The following PMM2 variants were observed in gnomAD, a reference collection of about 807,000 sequenced individuals.
The protein encoded by PMM2 is phosphomannomutase 2, also known as mannose-6-phosphate isomerase.
In PMM2, 35 loss-of-function variants were observed where a neutral mutation model predicts 33.2. The observed-to-expected ratio is 1.06, with a 90% CI of 0.81 to 1.40. The LOEUF (loss-of-function observed/expected upper bound fraction) is 1.40, where lower values mean the gene tolerates loss of function less well. Among genes scored for constraint, PMM2 ranks in the 40% most tolerant of loss-of-function variants. PMM2 has a pLI of 0.00. For synonymous variants in PMM2, 153 were observed against 114.7 expected, an observed-to-expected ratio of 1.33 and a Z score of -2.13; for missense variants, 386 against 306.0, an observed-to-expected ratio of 1.26 and a Z score of -1.95.
intron 2 of PMM2, among the ~76,000 whole-genome samples, chr16:8,802,731 G>A (rs367942288): frequency 6.4e-4 from 97 of 152,006 alleles, no homozygotes; most frequent in African/African-American, 9.6e-4. Flanking sequence ...TCAGGAGGCC[G>A]AGGCAGGAGA....
chr16:8,839,008 A>G (rs1239814022), intron 7 of PMM2, among the ~76,000 whole-genome samples: 2 of 152,144 alleles, frequency 1.3e-5, no homozygotes, highest in East Asian at 1.9e-4. Context: ...AGTTTGTGAC[A>G]TGTCTGTGAT....
chr16:8,827,416 G>A (rs1242664282), intron 7 of PMM2, among the ~76,000 whole-genome samples: 2 of 147,914 alleles, frequency 1.4e-5, no homozygotes, highest in African/African-American at 5.0e-5. Context: ...TTTTGAAATG[G>A]AGTCTTGCTC....
At chr16:8,843,279 C>T (rs908454717) in intron 7 of PMM2, among the ~76,000 whole-genome samples, 1 of 152,022 alleles carries the variant, frequency 6.6e-6, no homozygotes, top group Non-Finnish European at 1.5e-5. Context: ...GACTTACCCT[C>T]CACTGTGAGA....
Position 8,836,516 on chromosome 16 carries a change from T to C in PMM2, c.640-11208T>C, listed in dbSNP as rs572340595. Among the ~76,000 whole-genome samples, 332 of 152,164 alleles carry C rather than the reference T, an allele frequency of 2.2e-3. 3 individuals are homozygous for C. The highest frequency in any genetic ancestry group is 7.4e-3 in the African/African-American group (306 of 41,548). On this transcript the variant is annotated intron_variant, in intron 7 of 7. Coordinates refer to ENST00000268261, the MANE Select transcript of PMM2 (RefSeq NM_000303.3). ...AGGAGGTTCTGGAGGAACGCCTGGC[T>C]GCTGCGGTTCAGGCGTTTGGAAGTT...
chr16:8,824,122 A>T (rs1392135251), intron 7 of PMM2, among the ~76,000 whole-genome samples: 2 of 152,222 alleles, frequency 1.3e-5, no homozygotes, highest in South Asian at 2.1e-4. Context: ...GTATACTTTA[A>T]CTCAATTGTT....
chr16:8,831,719 A>G (rs1038306903), intron 7 of PMM2, among the ~76,000 whole-genome samples: 8 of 152,326 alleles, frequency 5.3e-5, no homozygotes, highest in Admixed American at 1.3e-4. Context: ...AACAGCATGT[A>G]CAGAAATGGG....
intron 7 of PMM2, among the ~76,000 whole-genome samples, chr16:8,824,511 T>TA (rs1457108423): frequency 2.0e-4 from 31 of 152,228 alleles, no homozygotes; most frequent in Admixed American, 1.7e-3. Context: ...ATAGGAGTCT[T>TA]ACACAATTTT....
intron 7 of PMM2, among the ~76,000 whole-genome samples, chr16:8,845,923 C>G (rs1047264274): frequency 6.6e-6 from 1 of 151,860 alleles, no homozygotes; most frequent in African/African-American, 2.4e-5. Flanking sequence ...GGCAACATAG[C>G]AAGACCCTAT....
intron 7 of PMM2, among the ~76,000 whole-genome samples, chr16:8,822,841 A>C (rs1355277792): frequency 6.6e-6 from 1 of 152,170 alleles, no homozygotes; most frequent in Non-Finnish European, 1.5e-5. Flanking sequence ...TGCATGACAA[A>C]GGCATTAGTA....
chr16:8,848,727 A>G lies in PMM2; in HGVS notation c.*902A>G, dbSNP rs1008964187. 2 of 152,262 alleles carry G rather than the reference A, an allele frequency of 1.3e-5. No homozygotes were observed. Among genetic ancestry groups the G allele is most frequent in the Non-Finnish European group, 2.9e-5 (2 of 68,082 alleles). The allele number at this position is 152,262 out of a possible 1,614,324, so 9.4% of individuals were successfully genotyped here. A position where few individuals can be genotyped will look rare whatever the true frequency, so the allele number is the denominator to read the frequency against. On this transcript the variant is annotated 3_prime_UTR_variant, in exon 8 of 8. Coordinates refer to ENST00000268261, the MANE Select transcript of PMM2 (RefSeq NM_000303.3). ...TGGCTTCCTGGAGGCGTTCGCCTCTAGTTTCTCAGGGATGGAGCGAGAGCC... is the reference window on the plus strand; with the variant it reads ...TGGCTTCCTGGAGGCGTTCGCCTCTGGTTTCTCAGGGATGGAGCGAGAGCC...
intron 4 of PMM2, chr16:8,807,579 C>G (rs897672346): frequency 2.0e-5 from 3 of 152,396 alleles, no homozygotes; most frequent in Non-Finnish European, 4.4e-5. Flanking sequence ...ACTGCAGCCT[C>G]AACCTCCTTG....
At chr16:8,832,879 A>G (rs911469770) in intron 7 of PMM2, 1 of 985,330 alleles carries the variant, frequency 1.0e-6, no homozygotes. Flanking sequence ...CTCAGATGCC[A>G]GGGTTCCCTC....
intron 7 of PMM2, among the ~76,000 whole-genome samples, chr16:8,813,971 A>G (rs1377688462): frequency 6.9e-6 from 1 of 145,946 alleles, no homozygotes; most frequent in Non-Finnish European, 1.5e-5. Flanking sequence ...GGTTCAAGCA[A>G]TCCTTGTGCC....
intron 7 of PMM2, among the ~76,000 whole-genome samples, chr16:8,818,983 G>C (rs1306515120): frequency 6.6e-6 from 1 of 152,214 alleles, no homozygotes; most frequent in African/African-American, 2.4e-5. Flanking sequence ...GCAGGCAAGA[G>C]AACCTGTACT....
In PMM2 at chr16:8,832,850, G is replaced by A. The variant is rs571092553; in HGVS notation, c.640-14874G>A. 2,005 of 985,366 alleles carry A rather than the reference G, an allele frequency of 2.0e-3. 1 individual carries two copies. Among genetic ancestry groups the A allele is most frequent in the Middle Eastern group, 7.3e-3 (14 of 1,914 alleles). The allele number at this position is 985,366 out of a possible 1,614,324, so 61.0% of individuals were successfully genotyped here. A position where few individuals can be genotyped will look rare whatever the true frequency, so the allele number is the denominator to read the frequency against. On this transcript the variant is annotated intron_variant, in intron 7 of 7. Coordinates refer to ENST00000268261, the MANE Select transcript of PMM2 (RefSeq NM_000303.3). ...TCAGCGTCTTCTCTGATGGCCACAT[G>A]GCCTGTGCCCTCACGTCCCTCAGAT... is the stretch of plus-strand genomic sequence containing the variant.
intron 4 of PMM2, chr16:8,806,639 C>T (rs1459885910): frequency 5.3e-6 from 3 of 570,632 alleles, no homozygotes; most frequent in East Asian, 6.0e-5. Flanking sequence ...CAGCAGGGTT[C>T]AGTAGCCACC....
intron 7 of PMM2, among the ~76,000 whole-genome samples, chr16:8,826,138 A>C (rs1305750054): frequency 1.3e-5 from 2 of 152,236 alleles, no homozygotes; most frequent in Non-Finnish European, 2.9e-5. Context: ...GAAAAAATTA[A>C]ATAATACCCT....
chr16:8,837,854 A>G (rs1195812349), intron 7 of PMM2, among the ~76,000 whole-genome samples: 1 of 152,090 alleles, frequency 6.6e-6, no homozygotes, highest in Non-Finnish European at 1.5e-5. Flanking sequence ...CACCAAGGGA[A>G]GGCTGCCTTC....
At chr16:8,825,072 C>T (rs2060759114) in intron 7 of PMM2, among the ~76,000 whole-genome samples, 6 of 152,188 alleles carry the variant, frequency 3.9e-5, no homozygotes, top group Admixed American at 3.9e-4. Flanking sequence ...GCTCTGTTGC[C>T]CAGGCTGGAG....
Sources: allele counts gnomAD v4.1 joint callset (sites outside exome capture counted in the v4.1 genomes callset), GRCh38; gene constraint gnomAD v4.1.1; transcripts MANE v1.5; gene names NCBI Gene and HGNC (gene_info 2026-07-23, HGNC 2026-07-21).